LDLRAD3: variants seen among roughly 807,000 people sequenced by gnomAD.
LDLRAD3 encodes the protein low-density lipoprotein receptor class A domain-containing protein 3.
A neutral mutation model predicts 29.4 loss-of-function variants in LDLRAD3; 20 were observed. That is an observed-to-expected ratio of 0.68 (90% CI 0.48 to 0.99). LDLRAD3 has a LOEUF of 0.99. LDLRAD3 is among the 50% of genes least tolerant of loss of function. LDLRAD3 has a pLI of 0.00. For synonymous variants in LDLRAD3, 157 were observed against 192.7 expected (o/e 0.81, Z 1.53); for missense variants, 420 against 454.3 (o/e 0.92, Z 0.69).
At chr11:36,036,271 T>C in intron 2 of LDLRAD3, 22 bp downstream of exon 2, 2 of 1,613,664 alleles carry the variant, frequency 1.2e-6, no homozygotes, top group Non-Finnish European at 1.7e-6. Context: ...GGCCCTTTGC[T>C]GGGGTGGGGT....
At chr11:36,046,605 G>T (rs1182722187) in intron 2 of LDLRAD3, among the ~76,000 whole-genome samples, 1 of 152,082 alleles carries the variant, frequency 6.6e-6, no homozygotes, top group Non-Finnish European at 1.5e-5. Flanking sequence ...TATCAGCAAA[G>T]ACCCAATTTC....
In LDLRAD3 at chr11:36,229,185, C is replaced by A; in HGVS notation, c.826C>A (p.Pro276Thr). Residue 276 changes from proline (P) to threonine (T), a missense_variant, in exon 6 of 6, where the codon CCG becomes ACG. By Grantham distance (38) the Pro-to-Thr change is conservative (BLOSUM62 -1). Coordinates refer to ENST00000315571, the MANE Select transcript of LDLRAD3 (RefSeq NM_174902.4). The part of the protein sequence containing the change: ...QRPAWYDLPP[P>T]PYSSDTESLN... The stretch of plus-strand genomic sequence containing the variant: ...GCCTGCGTGGTATGACCTTCCTCCA[C>A]CGCCCTACTCTTCTGACACGGAATC... The A allele has an allele frequency of 6.2e-7, 1 of 1,614,086 alleles. No individual in the cohort carries two copies. The highest frequency in any genetic ancestry group is 8.5e-7 in the Non-Finnish European group (1 of 1,180,002).
intron 2 of LDLRAD3, among the ~76,000 whole-genome samples, chr11:36,046,599 A>G (rs1468654841): frequency 1.3e-5 from 2 of 152,126 alleles, no homozygotes; most frequent in Non-Finnish European, 2.9e-5. Context: ...TCATTATATC[A>G]GCAAAGACCC....
intron 4 of LDLRAD3, among the ~76,000 whole-genome samples, chr11:36,191,201 G>A (rs796529412): frequency 6.6e-6 from 1 of 152,200 alleles, no homozygotes; most frequent in African/African-American, 2.4e-5. Context: ...TCCAGACAGT[G>A]GTGGATCCGA....
intron 4 of LDLRAD3, among the ~76,000 whole-genome samples, chr11:36,168,299 A>G (rs187919223): frequency 6.6e-6 from 1 of 152,288 alleles, no homozygotes; most frequent in African/African-American, 2.4e-5. Context: ...CTCCTGGCAT[A>G]GCACTAAGCT....
chr11:35,953,297 G>A (rs970368116), intron 1 of LDLRAD3, among the ~76,000 whole-genome samples: 1 of 152,182 alleles, frequency 6.6e-6, no homozygotes, highest in Non-Finnish European at 1.5e-5. Flanking sequence ...TCTGGAACAG[G>A]CCTTGGGCAT....
chr11:35,973,783 T>G (rs1851444995), intron 1 of LDLRAD3, among the ~76,000 whole-genome samples: 1 of 152,180 alleles, frequency 6.6e-6, no homozygotes, highest in South Asian at 2.1e-4. Flanking sequence ...ATTTGTAGTT[T>G]TGATAGTTAC....
At position 36,229,631 on chromosome 11, in the gene LDLRAD3, G is replaced by GTTACC; in HGVS notation, c.*234_*235insTTACC. ...TTCTGTCAGGTCACTCTTCCCTTGG[G>GTTACC]ACCCGAGATCACACCCTCATTTTTC... On this transcript the variant is annotated 3_prime_UTR_variant, in exon 6 of 6. Transcript: ENST00000315571. The GTTACC allele has an allele frequency of 2.4e-6, 1 of 421,296 alleles. No individual in the cohort carries two copies. The highest frequency in any genetic ancestry group is 7.7e-5 in the South Asian group (1 of 12,982). The allele number at this position is 421,296 out of a possible 1,614,324, so 26.1% of individuals were successfully genotyped here.
chr11:36,214,808 T>C (rs1478473223), intron 4 of LDLRAD3, among the ~76,000 whole-genome samples: 1 of 152,108 alleles, frequency 6.6e-6, no homozygotes, highest in East Asian at 1.9e-4. Context: ...TGGAGTCTCA[T>C]AGGAAAGATG....
chr11:36,044,692 A>G (rs1370508546), intron 2 of LDLRAD3, among the ~76,000 whole-genome samples: 1 of 152,234 alleles, frequency 6.6e-6, no homozygotes, highest in Non-Finnish European at 1.5e-5. Context: ...GGAGCCAGCC[A>G]GATGCCCAAA....
chr11:36,154,602 A>T (rs548868492), intron 4 of LDLRAD3, among the ~76,000 whole-genome samples: 8 of 152,036 alleles, frequency 5.3e-5, no homozygotes, highest in Admixed American at 4.6e-4. Context: ...TTGACCAAAA[A>T]CCCCGTTATT....
intron 1 of LDLRAD3, among the ~76,000 whole-genome samples, chr11:36,009,510 C>T (rs767599573): frequency 4.6e-5 from 7 of 152,150 alleles, no homozygotes; most frequent in Non-Finnish European, 1.0e-4. Context: ...AATGGATTTC[C>T]ACCCAGCCAG....
intron 1 of LDLRAD3, among the ~76,000 whole-genome samples, chr11:35,999,711 G>C (rs17568443): frequency 0.52 from 79,718 of 152,024 alleles, 24,003 homozygotes; most frequent in African/African-American, 0.84. Flanking sequence ...CTTTTCTGGA[G>C]CTCCACGTGT....
rs115811953 is a variant in LDLRAD3 at position 35,997,595 on chromosome 11, C to T, written c.47-38508C>T. 8.2e-4 allele frequency: 225 copies of T among 272,776 alleles called. 1 individual carries two copies. Among genetic ancestry groups the T allele is most frequent in the African/African-American group, 5.0e-3 (218 of 43,900 alleles). 16.9% of individuals were successfully genotyped at this position (272,776 alleles called of 1,614,324 possible). The stretch of plus-strand genomic sequence containing the variant: ...TACCCAGAGGGCCAATCTTGGGGGC[C>T]AGCACAGACATGGCATCAACTTTAT... On this transcript the variant is annotated intron_variant, in intron 1 of 5. Transcript: ENST00000315571.
intron 4 of LDLRAD3, chr11:36,101,885 C>CTTTTTTTTTT: frequency 8.9e-6 from 2 of 224,086 alleles, no homozygotes; most frequent in Admixed American, 6.6e-5. Flanking sequence ...CCACTGTCAT[C>CTTTTTTTTTT]TTTTTTTTTT....
At chr11:36,105,238 T>TGAGAGAGAGA (rs35668663) in intron 4 of LDLRAD3, among the ~76,000 whole-genome samples, 1 of 128,346 alleles carries the variant, frequency 7.8e-6, no homozygotes, top group African/African-American at 3.0e-5. Context: ...TGTGTGTGTG[T>TGAGAGAGAGA]GAGAGAGAGA....
At chr11:36,000,024 A>G (rs1389965846) in intron 1 of LDLRAD3, among the ~76,000 whole-genome samples, 1 of 152,180 alleles carries the variant, frequency 6.6e-6, no homozygotes, top group South Asian at 2.1e-4. Flanking sequence ...CGGTACTACT[A>G]TGAAGTGGAA....
intron 1 of LDLRAD3, among the ~76,000 whole-genome samples, chr11:35,956,494 C>T (rs557161469): frequency 1.3e-5 from 2 of 152,192 alleles, no homozygotes; most frequent in East Asian, 1.9e-4. Flanking sequence ...TAACAAGATC[C>T]CCAAGTGATA....
chr11:35,972,522 A>G (rs1248434201), intron 1 of LDLRAD3: 2 of 152,126 alleles, frequency 1.3e-5, no homozygotes, highest in East Asian at 3.9e-4. Flanking sequence ...CTGGTTACCC[A>G]TTCTCCAGCC....
Sources: allele counts gnomAD v4.1 joint callset (sites outside exome capture counted in the v4.1 genomes callset), GRCh38; gene constraint gnomAD v4.1.1; transcripts MANE v1.5; gene names NCBI Gene and HGNC (gene_info 2026-07-23, HGNC 2026-07-21).